Variants in XKR9 observed in about 807,000 individuals in gnomAD.
XKR9 encodes XK related 9.
Under a neutral mutation model 32.0 loss-of-function variants are expected in XKR9, and 32 were observed. That is an observed-to-expected ratio of 1.00 (90% CI 0.76 to 1.34). The LOEUF is 1.34. Ranked by LOEUF, XKR9 falls within the 40% of genes most tolerant of loss-of-function variation. The probability of loss-of-function intolerance (pLI) is 0.00; values close to 1 mark genes in which losing one functional copy is unlikely to be tolerated. For synonymous variants in XKR9, 168 were observed against 143.4 expected (o/e 1.17, Z -1.22); for missense variants, 546 against 429.7 (o/e 1.27, Z -2.39).
At chr8:71,021,526 G>A in the XKR9 span, among the ~76,000 whole-genome samples, 13 of 126,794 alleles carry the variant, frequency 1.0e-4, no homozygotes, top group Non-Finnish European at 1.8e-4. Flanking sequence ...TTTTTGAGAC[G>A]GAGTTTCGCT....
chr8:70,977,975 T>C, the XKR9 span, among the ~76,000 whole-genome samples: 1 of 152,206 alleles, frequency 6.6e-6, no homozygotes, highest in African/African-American at 2.4e-5. Context: ...AATTGATCCC[T>C]TTACCATTAT....
chr8:70,687,047 G>C lies in XKR9; in HGVS notation c.272+5717G>C, dbSNP rs116135185. Among the ~76,000 whole-genome samples, 460 of 151,910 alleles carry C rather than the reference G, an allele frequency of 3.0e-3. 3 individuals are homozygous for C. The highest frequency in any genetic ancestry group is 0.011 in the African/African-American group (441 of 41,424). ...CACCCTGTTATGTTATCAAATGCTA[G>C]AGCCTATTCATTCTAACTACATTTG... On this transcript the variant is annotated intron_variant, in intron 3 of 4. Transcript: ENST00000408926.
chr8:70,903,868 C>A, the XKR9 span, among the ~76,000 whole-genome samples: 1 of 152,052 alleles, frequency 6.6e-6, no homozygotes, highest in Non-Finnish European at 1.5e-5. Flanking sequence ...CAAAGAACAT[C>A]TTTATTTGTG....
At chr8:70,853,140 C>G in the XKR9 span, among the ~76,000 whole-genome samples, 1 of 151,990 alleles carries the variant, frequency 6.6e-6, no homozygotes, top group Non-Finnish European at 1.5e-5. Flanking sequence ...GTGAAATAAG[C>G]AGGCACAGAA....
chr8:70,707,208 AC>A, intron 4 of XKR9, 55 bp downstream of exon 4: 1 of 1,395,856 alleles, frequency 7.2e-7, no homozygotes, highest in Non-Finnish European at 9.9e-7. Context: ...CCTTACGTCA[AC>A]TATATAAATC....
intron 4 of XKR9, among the ~76,000 whole-genome samples, chr8:70,728,896 G>A (rs1026119135): frequency 2.0e-5 from 3 of 152,130 alleles, no homozygotes; most frequent in African/African-American, 7.2e-5. Flanking sequence ...CACAGCCGTG[G>A]GCTTGTACCT....
the XKR9 span, among the ~76,000 whole-genome samples, chr8:70,868,108 G>T: frequency 6.6e-6 from 1 of 152,166 alleles, no homozygotes; most frequent in Non-Finnish European, 1.5e-5. Flanking sequence ...GCTTTGCAGG[G>T]TATAGCTTCT....
At chr8:70,715,907 T>C (rs369887426) in intron 4 of XKR9, among the ~76,000 whole-genome samples, 4 of 152,134 alleles carry the variant, frequency 2.6e-5, no homozygotes, top group African/African-American at 9.6e-5. Flanking sequence ...ATATATAAGG[T>C]CTCAAAAAAT....
intron 3 of XKR9, among the ~76,000 whole-genome samples, chr8:70,693,027 T>G (rs765827622): frequency 6.6e-6 from 1 of 152,246 alleles, no homozygotes; most frequent in African/African-American, 2.4e-5. Flanking sequence ...GTTGATGTGA[T>G]GAATCACATT....
intron 3 of XKR9, among the ~76,000 whole-genome samples, chr8:70,705,029 T>C (rs1429963248): frequency 6.6e-6 from 1 of 152,200 alleles, no homozygotes; most frequent in Non-Finnish European, 1.5e-5. Context: ...AGAACTGTGA[T>C]GGTAAAAATA....
chr8:71,010,589 C>A, the XKR9 span, among the ~76,000 whole-genome samples: 2 of 152,112 alleles, frequency 1.3e-5, no homozygotes, highest in Admixed American at 6.6e-5. Flanking sequence ...TCTAGGCCAA[C>A]ATGAATAAGA....
At chr8:71,030,883 T>C in the XKR9 span, among the ~76,000 whole-genome samples, 18 of 152,178 alleles carry the variant, frequency 1.2e-4, no homozygotes, top group African/African-American at 4.1e-4. Flanking sequence ...ATTCCCAATA[T>C]CTGTAATTCA....
the XKR9 span, among the ~76,000 whole-genome samples, chr8:70,853,776 T>C: frequency 1.3e-5 from 2 of 152,268 alleles, no homozygotes; most frequent in Admixed American, 1.3e-4. Context: ...GAACATGCAG[T>C]GTTTGGTTTT....
the XKR9 span, among the ~76,000 whole-genome samples, chr8:70,883,224 T>C: frequency 6.6e-6 from 1 of 151,974 alleles, no homozygotes; most frequent in Non-Finnish European, 1.5e-5. Context: ...AGTGAGAACA[T>C]ATAGTATTTG....
intron 2 of XKR9, among the ~76,000 whole-genome samples, chr8:70,776,293 CTCAT>C (rs1807519539): frequency 6.6e-6 from 1 of 152,078 alleles, no homozygotes; most frequent in Non-Finnish European, 1.5e-5. Context: ...GTTTTGGTAA[CTCAT>C]TCTTTCAAGG....
the XKR9 span, among the ~76,000 whole-genome samples, chr8:70,983,591 G>A: frequency 6.6e-5 from 10 of 151,986 alleles, no homozygotes; most frequent in African/African-American, 4.8e-5. Context: ...GACCAGCCTG[G>A]CTAACATGGT....
At chr8:70,911,871 A>G in the XKR9 span, among the ~76,000 whole-genome samples, 1 of 152,166 alleles carries the variant, frequency 6.6e-6, no homozygotes, top group Non-Finnish European at 1.5e-5. Context: ...TAGGATGACA[A>G]TGACCACACA....
At chr8:70,700,903 C>T (rs1183625526) in intron 3 of XKR9, among the ~76,000 whole-genome samples, 2 of 152,228 alleles carry the variant, frequency 1.3e-5, no homozygotes, top group African/African-American at 4.8e-5. Context: ...GCACCCCTCC[C>T]CCAGCCTTGC....
chr8:71,010,922 C>T, the XKR9 span, among the ~76,000 whole-genome samples: 2 of 152,150 alleles, frequency 1.3e-5, no homozygotes, highest in African/African-American at 4.8e-5. Flanking sequence ...TTCCAGGGGA[C>T]TGCTGAAAAA....
Sources: gnomAD v4.1 joint callset for allele counts (sites outside exome capture counted in the v4.1 genomes callset) on GRCh38, gnomAD v4.1.1 for gene constraint, MANE v1.5 for transcripts, NCBI Gene and HGNC (gene_info 2026-07-23, HGNC 2026-07-21) for gene names.